RORA: variants seen among roughly 807,000 people sequenced by gnomAD.
The protein encoded by RORA is nuclear receptor ROR-alpha.
RORA carries 7 observed loss-of-function variants against 69.5 expected under a neutral mutation model. The observed-to-expected ratio is 0.10, with a 90% CI of 0.06 to 0.19. RORA has a LOEUF of 0.19. Ranked by LOEUF, RORA falls within the 10% of genes least tolerant of loss-of-function variation. The pLI is 1.00. For synonymous variants in RORA, 261 were observed against 240.8 expected (o/e 1.08, Z -0.78); for missense variants, 457 against 663.0 (o/e 0.69, Z 3.41).
At chr15:60,803,203 T>C (rs2072611901) in intron 1 of RORA, among the ~76,000 whole-genome samples, 1 of 152,248 alleles carries the variant, frequency 6.6e-6, no homozygotes, top group South Asian at 2.1e-4. Flanking sequence ...AGGTGTGCAC[T>C]AATTTATGCC....
chr15:60,565,681 C>A (rs2067694228), intron 2 of RORA, among the ~76,000 whole-genome samples: 1 of 152,132 alleles, frequency 6.6e-6, no homozygotes, highest in Non-Finnish European at 1.5e-5. Flanking sequence ...GCCATATCAC[C>A]CTCAGAGAAC....
intron 1 of RORA, among the ~76,000 whole-genome samples, chr15:60,809,549 G>T (rs775568353): frequency 7.9e-5 from 12 of 152,078 alleles, no homozygotes; most frequent in Non-Finnish European, 1.3e-4. Flanking sequence ...TGATGTTTCT[G>T]TTTTAGGCTT....
At chr15:61,031,207 AT>A (rs1896150926) in intron 1 of RORA, among the ~76,000 whole-genome samples, 1 of 152,166 alleles carries the variant, frequency 6.6e-6, no homozygotes, top group Non-Finnish European at 1.5e-5. Flanking sequence ...ATAAAGAAAA[AT>A]TCCTTTTGAA....
At chr15:60,839,294 C>A (rs139621371) in intron 1 of RORA, among the ~76,000 whole-genome samples, 1 of 152,054 alleles carries the variant, frequency 6.6e-6, no homozygotes, top group African/African-American at 2.4e-5. Context: ...TTTGACTAAA[C>A]AATAATCACA....
At chr15:60,770,720 A>G (rs969650730) in intron 1 of RORA, among the ~76,000 whole-genome samples, 1 of 152,256 alleles carries the variant, frequency 6.6e-6, no homozygotes, top group Admixed American at 6.5e-5. Context: ...ACTCCTGGGC[A>G]CAAGAGATCC....
intron 1 of RORA, among the ~76,000 whole-genome samples, chr15:61,042,459 C>T (rs1285070314): frequency 3.9e-5 from 6 of 152,188 alleles, no homozygotes; most frequent in African/African-American, 1.4e-4. Flanking sequence ...TGATACTACC[C>T]GCTGGAGTAC....
At chr15:61,090,753 G>A (rs954312812) in intron 1 of RORA, among the ~76,000 whole-genome samples, 11 of 152,054 alleles carry the variant, frequency 7.2e-5, no homozygotes, top group Admixed American at 2.0e-4. Flanking sequence ...AATCTCTCCC[G>A]GTGAAACAGG....
intron 1 of RORA, among the ~76,000 whole-genome samples, chr15:61,227,891 C>T (rs1346443354): frequency 6.6e-6 from 1 of 152,182 alleles, no homozygotes; most frequent in Non-Finnish European, 1.5e-5. Context: ...TCTTTGCAAA[C>T]TCCAGGCGCA....
At chr15:60,713,305 G>C (rs1465533052) in intron 1 of RORA, among the ~76,000 whole-genome samples, 2 of 152,062 alleles carry the variant, frequency 1.3e-5, no homozygotes, top group African/African-American at 4.8e-5. Flanking sequence ...TGAGGAAATG[G>C]CTCCTCAGCT....
intron 2 of RORA, among the ~76,000 whole-genome samples, chr15:60,541,060 G>A (rs1416546217): frequency 6.6e-6 from 1 of 152,164 alleles, no homozygotes; most frequent in Non-Finnish European, 1.5e-5. Flanking sequence ...AGCTTTGGAT[G>A]AGAGATGAGG....
At position 60,503,772 on chromosome 15, in the gene RORA, G is replaced by A. The variant is rs74020724; in HGVS notation, c.943-105C>T. ...AAGCATGCCACTGCTTTAGCCCTGGGCCACGAAGAGTGGCAAAGTGGGATC... is the reference window on the plus strand; with the variant it reads ...AAGCATGCCACTGCTTTAGCCCTGGACCACGAAGAGTGGCAAAGTGGGATC... On this transcript the variant is annotated intron_variant, in intron 6 of 10. Transcript: ENST00000335670. 6,017 of 1,367,342 alleles carry A rather than the reference G, an allele frequency of 4.4e-3. 241 individuals carry two copies. In the African/African-American group the frequency reaches 0.08, roughly 18 times the overall value. 84.7% of individuals were successfully genotyped at this position (1,367,342 alleles called of 1,614,324 possible).
chr15:61,159,975 C>A (rs982558908), intron 1 of RORA, among the ~76,000 whole-genome samples: 1 of 152,046 alleles, frequency 6.6e-6, no homozygotes, highest in Non-Finnish European at 1.5e-5. Flanking sequence ...GGTAGTGGAC[C>A]CTGGGATAGA....
intron 1 of RORA, among the ~76,000 whole-genome samples, chr15:61,079,600 T>C (rs959220862): frequency 3.3e-5 from 5 of 152,200 alleles, no homozygotes; most frequent in African/African-American, 1.2e-4. Flanking sequence ...CATAACTCCA[T>C]TGGCATTGTT....
chr15:60,635,899 T>A (rs2069829254), intron 2 of RORA, among the ~76,000 whole-genome samples: 1 of 152,194 alleles, frequency 6.6e-6, no homozygotes, highest in African/African-American at 2.4e-5. Context: ...CAACTCCAAA[T>A]TTGACTGACT....
At chr15:60,876,311 T>TG (rs56278031) in intron 1 of RORA, among the ~76,000 whole-genome samples, 32 of 102,326 alleles carry the variant, frequency 3.1e-4, no homozygotes, top group East Asian at 1.5e-3. Flanking sequence ...TTACAGGAAG[T>TG]GGGGGGGGGG....
At chr15:60,976,359 G>A (rs1023420977) in intron 1 of RORA, among the ~76,000 whole-genome samples, 15 of 152,076 alleles carry the variant, frequency 9.9e-5, no homozygotes, top group African/African-American at 3.4e-4. Flanking sequence ...TAAGTAGATC[G>A]CCCACAAAGA....
At chr15:61,150,095 G>A (rs1021851779) in intron 1 of RORA, among the ~76,000 whole-genome samples, 4 of 152,158 alleles carry the variant, frequency 2.6e-5, no homozygotes, top group Admixed American at 1.3e-4. Context: ...TTTCTATGTG[G>A]AGAGACAGGA....
chr15:60,663,574 G>T (rs998109488), intron 2 of RORA, among the ~76,000 whole-genome samples: 1 of 152,162 alleles, frequency 6.6e-6, no homozygotes, highest in African/African-American at 2.4e-5. Context: ...TCTTGCCTCA[G>T]CCCCCCAAGT....
At chr15:60,833,112 G>C (rs1347489381) in intron 1 of RORA, among the ~76,000 whole-genome samples, 1 of 151,726 alleles carries the variant, frequency 6.6e-6, no homozygotes, top group Non-Finnish European at 1.5e-5. Flanking sequence ...CACCGTGTTA[G>C]CCAGGATGGT....
Sources: gnomAD v4.1 joint callset for allele counts (sites outside exome capture counted in the v4.1 genomes callset) on GRCh38, gnomAD v4.1.1 for gene constraint, MANE v1.5 for transcripts, NCBI Gene and HGNC (gene_info 2026-07-23, HGNC 2026-07-21) for gene names.